The following PTPRR variants were observed in gnomAD, a reference collection of about 807,000 sequenced individuals.
PTPRR encodes protein tyrosine phosphatase receptor type R.
Under a neutral mutation model 77.2 loss-of-function variants are expected in PTPRR, and 38 were observed. The ratio of observed to expected loss-of-function variants is 0.49; its 90% CI spans 0.38 to 0.65. PTPRR has a LOEUF of 0.65. PTPRR is among the 30% of genes least tolerant of loss of function. The pLI, the probability that PTPRR is intolerant of heterozygous loss-of-function variation, is 0.00. For synonymous variants in PTPRR, 299 were observed against 283.1 expected, an observed-to-expected ratio of 1.06 and a Z score of -0.57; for missense variants, 744 against 799.2, an observed-to-expected ratio of 0.93 and a Z score of 0.83.
chr12:70,905,769 T>G (rs1893612213), intron 1 of PTPRR, among the ~76,000 whole-genome samples: 1 of 152,022 alleles, frequency 6.6e-6, no homozygotes, highest in Admixed American at 6.6e-5. Context: ...TTGCAAGTAC[T>G]TAAGTCAATG....
At chr12:70,872,024 C>A (rs574296812) in intron 2 of PTPRR, among the ~76,000 whole-genome samples, 5 of 152,082 alleles carry the variant, frequency 3.3e-5, no homozygotes, top group Non-Finnish European at 7.4e-5. Context: ...GTCTGAACAC[C>A]AAACAACAAA....
intron 6 of PTPRR, among the ~76,000 whole-genome samples, chr12:70,705,599 C>T (rs528757829): frequency 6.6e-6 from 1 of 152,004 alleles, no homozygotes; most frequent in Admixed American, 6.6e-5. Context: ...AATTAAGTTT[C>T]AGTGGGAAAT....
intron 6 of PTPRR, among the ~76,000 whole-genome samples, chr12:70,707,434 CATGA>C (rs66491628): frequency 0.21 from 31,409 of 151,862 alleles, 3,649 homozygotes; most frequent in East Asian, 0.39. Context: ...AAAACTATAT[CATGA>C]ATGTCTTTTC....
At chr12:70,873,321 C>A (rs559128041) in intron 2 of PTPRR, among the ~76,000 whole-genome samples, 1 of 152,096 alleles carries the variant, frequency 6.6e-6, no homozygotes, top group Non-Finnish European at 1.5e-5. Flanking sequence ...GTGATGGAAC[C>A]CTGAGAGAGC....
At chr12:70,694,211 C>T (rs375992108) in intron 8 of PTPRR, among the ~76,000 whole-genome samples, 76 of 151,952 alleles carry the variant, frequency 5.0e-4, no homozygotes, top group Non-Finnish European at 1.0e-3. Context: ...AAAAAGGAAA[C>T]ATAATTTAAG....
At chr12:70,654,972 A>C (rs1176887983) in intron 13 of PTPRR, among the ~76,000 whole-genome samples, 8 of 152,172 alleles carry the variant, frequency 5.3e-5, no homozygotes, top group Non-Finnish European at 8.8e-5. Context: ...ACTGTAGTAC[A>C]CTGAATTACT....
intron 1 of PTPRR, among the ~76,000 whole-genome samples, chr12:70,903,430 TA>T (rs1893572840): frequency 6.6e-6 from 1 of 151,824 alleles, no homozygotes; most frequent in Non-Finnish European, 1.5e-5. Flanking sequence ...AAATAAAATT[TA>T]AAAAATGAAT....
chr12:70,706,198 T>C (rs1210718287), intron 6 of PTPRR, among the ~76,000 whole-genome samples: 1 of 152,140 alleles, frequency 6.6e-6, no homozygotes, highest in African/African-American at 2.4e-5. Context: ...CATTTAATAA[T>C]GTTATGCTGT....
intron 2 of PTPRR, among the ~76,000 whole-genome samples, chr12:70,791,881 T>C (rs1891426986): frequency 6.6e-6 from 1 of 152,198 alleles, no homozygotes; most frequent in Non-Finnish European, 1.5e-5. Context: ...ATCTGGAAAA[T>C]GATTGTGGTT....
chr12:70,648,248 C>A (rs572501829), intron 13 of PTPRR, among the ~76,000 whole-genome samples: 65 of 152,098 alleles, frequency 4.3e-4, no homozygotes, highest in Non-Finnish European at 6.6e-4. Flanking sequence ...TAAAAAAAAA[C>A]CCACCCTTTT....
rs1432332906 is a variant in PTPRR, at chr12:70,769,692, G to A, written c.358-4914C>T. Among the ~76,000 whole-genome samples, 355 of 151,736 alleles carry A rather than the reference G, an allele frequency of 2.3e-3. 2 individuals carry two copies. The highest frequency in any genetic ancestry group is 7.6e-3 in the African/African-American group (314 of 41,214). On this transcript the variant is annotated intron_variant, in intron 2 of 13. Transcript: ENST00000283228. ...TTCATATGGAACCAAAAAAGAGCCC[G>A]CATCACCAAGTCAATCCTAAGCCAA...
At chr12:70,880,640 C>G (rs1893133623) in intron 2 of PTPRR, among the ~76,000 whole-genome samples, 2 of 152,004 alleles carry the variant, frequency 1.3e-5, no homozygotes, top group African/African-American at 4.8e-5. Context: ...CTATTGTATC[C>G]CTAGAGTCTG....
chr12:70,861,865 T>G (rs992934221), intron 2 of PTPRR, among the ~76,000 whole-genome samples: 6 of 152,158 alleles, frequency 3.9e-5, no homozygotes, highest in Admixed American at 6.6e-5. Flanking sequence ...AATCTAGTTC[T>G]TAAAGGGTAC....
chr12:70,654,044 T>C (rs979588113), intron 13 of PTPRR, among the ~76,000 whole-genome samples: 4 of 152,172 alleles, frequency 2.6e-5, no homozygotes, highest in African/African-American at 9.7e-5. Flanking sequence ...CTAATCTGGA[T>C]AGGGAAATTT....
chr12:70,659,326 A>G (rs1251270927), intron 12 of PTPRR, among the ~76,000 whole-genome samples: 1 of 152,160 alleles, frequency 6.6e-6, no homozygotes, highest in East Asian at 1.9e-4. Flanking sequence ...AGCTACTTCT[A>G]AAATACATGG....
At chr12:70,663,815 T>G (rs1886881482) in intron 10 of PTPRR, among the ~76,000 whole-genome samples, 1 of 152,236 alleles carries the variant, frequency 6.6e-6, no homozygotes, top group South Asian at 2.1e-4. Flanking sequence ...ATTCTTTCAT[T>G]TGTTGCCTTC....
intron 1 of PTPRR, among the ~76,000 whole-genome samples, chr12:70,908,019 G>T (rs780340767): frequency 4.6e-5 from 7 of 152,100 alleles, no homozygotes; most frequent in Non-Finnish European, 8.8e-5. Flanking sequence ...ATCGTTCATT[G>T]TTATACAAAC....
At chr12:70,805,005 T>A (rs1039283320) in intron 2 of PTPRR, among the ~76,000 whole-genome samples, 1 of 152,238 alleles carries the variant, frequency 6.6e-6, no homozygotes, top group South Asian at 2.1e-4. Context: ...GCTTATTTTG[T>A]CACACACGAA....
intron 6 of PTPRR, among the ~76,000 whole-genome samples, chr12:70,711,512 T>C (rs2136815747): frequency 6.6e-6 from 1 of 152,012 alleles, no homozygotes; most frequent in African/African-American, 2.4e-5. Context: ...AACTAAGGGG[T>C]AGTAGGTATT....
Sources: allele counts gnomAD v4.1 joint callset (sites outside exome capture counted in the v4.1 genomes callset), GRCh38; gene constraint gnomAD v4.1.1; transcripts MANE v1.5; gene names NCBI Gene and HGNC (gene_info 2026-07-23, HGNC 2026-07-21).